ATG7: variants seen among roughly 807,000 people sequenced by gnomAD.
ATG7 encodes the protein ubiquitin-like modifier-activating enzyme ATG7.
ATG7 carries 70 observed loss-of-function variants against 82.4 expected under a neutral mutation model. The ratio of observed to expected loss-of-function variants is 0.85; its 90% CI spans 0.70 to 1.04. The LOEUF is 1.04. Ranked by LOEUF, ATG7 falls within the 50% of genes least tolerant of loss-of-function variation. The pLI is 0.00. For missense variants in ATG7, 792 were observed against 864.3 expected, an observed-to-expected ratio of 0.92 and a Z score of 1.05; for synonymous variants, 287 against 313.0, an observed-to-expected ratio of 0.92 and a Z score of 0.88.
chr3:11,408,745 C>T (rs531265592), intron 19 of ATG7, among the ~76,000 whole-genome samples: 5 of 152,148 alleles, frequency 3.3e-5, no homozygotes, highest in African/African-American at 1.2e-4. Context: ...ATCATGAGAA[C>T]AGCATGGGAA....
At chr3:11,290,973 C>T (rs1944894370) in intron 3 of ATG7, among the ~76,000 whole-genome samples, 1 of 152,306 alleles carries the variant, frequency 6.6e-6, no homozygotes, top group Admixed American at 6.5e-5. Flanking sequence ...TGAGTCACTT[C>T]ACCCGGCCAT....
the ATG7 span, chr3:11,568,734 A>T: frequency 2.6e-6 from 4 of 1,536,668 alleles, no homozygotes; most frequent in South Asian, 4.9e-5. This position sits in a 1 kb window ranked among gnomAD's most constrained non-coding sequence, Gnocchi z 5.9. Flanking sequence ...ACGGCAGAAA[A>T]CCGCACGCAT....
intron 20 of ATG7, among the ~76,000 whole-genome samples, chr3:11,523,447 T>C (rs1334404639): frequency 6.6e-6 from 1 of 152,230 alleles, no homozygotes; most frequent in Non-Finnish European, 1.5e-5. Flanking sequence ...TTTTACCACA[T>C]GTATGACTTG....
At chr3:11,424,438 C>T (rs963757967) in intron 19 of ATG7, among the ~76,000 whole-genome samples, 2 of 151,874 alleles carry the variant, frequency 1.3e-5, no homozygotes, top group Admixed American at 1.3e-4. Context: ...GTAATTGTGC[C>T]ATTGCACTCC....
At chr3:11,363,496 C>T (rs1002537126) in intron 17 of ATG7, among the ~76,000 whole-genome samples, 5 of 152,328 alleles carry the variant, frequency 3.3e-5, no homozygotes, top group Admixed American at 6.5e-5. Flanking sequence ...AAGTGATTCA[C>T]CCACCTTATC....
At chr3:11,478,235 A>G (rs1365115293) in intron 20 of ATG7, among the ~76,000 whole-genome samples, 4 of 152,216 alleles carry the variant, frequency 2.6e-5, no homozygotes, top group Non-Finnish European at 5.9e-5. Flanking sequence ...AAAGTATCCA[A>G]ACTTAAAAAA....
At chr3:11,552,042 C>T (rs1457159777) in intron 20 of ATG7, among the ~76,000 whole-genome samples, 2 of 152,262 alleles carry the variant, frequency 1.3e-5, no homozygotes, top group Non-Finnish European at 2.9e-5. Context: ...CGCCACCACG[C>T]CCGGCCTCTT....
chr3:11,329,146 G>A (rs1360561778), intron 9 of ATG7, among the ~76,000 whole-genome samples: 1 of 152,158 alleles, frequency 6.6e-6, no homozygotes, highest in Non-Finnish European at 1.5e-5. Context: ...ATGATCCCAT[G>A]TTTGTTTCAA....
At chr3:11,349,393 G>T (rs1955115667) in intron 14 of ATG7, among the ~76,000 whole-genome samples, 1 of 152,096 alleles carries the variant, frequency 6.6e-6, no homozygotes, top group African/African-American at 2.4e-5. Context: ...AATTAGCCAG[G>T]TGTGGTGGTG....
chr3:11,508,551 G>T (rs1461605860), intron 20 of ATG7, among the ~76,000 whole-genome samples: 2 of 152,064 alleles, frequency 1.3e-5, no homozygotes, highest in Non-Finnish European at 2.9e-5. Context: ...AAATTCCTGG[G>T]CTCAGGTGAT....
chr3:11,492,642 A>T (rs1390183301), intron 20 of ATG7, among the ~76,000 whole-genome samples: 1 of 152,120 alleles, frequency 6.6e-6, no homozygotes. Flanking sequence ...GCAGGAGCAA[A>T]CTCCCTTAAC....
At chr3:11,498,186 A>C (rs1261100088) in intron 20 of ATG7, among the ~76,000 whole-genome samples, 2 of 151,934 alleles carry the variant, frequency 1.3e-5, no homozygotes, top group East Asian at 3.9e-4. Flanking sequence ...TACATAACCC[A>C]CCTCTTTCTC....
intron 20 of ATG7, 123 bp downstream of exon 20, chr3:11,427,049 A>G: frequency 8.2e-7 from 1 of 1,223,024 alleles, no homozygotes; most frequent in Non-Finnish European, 1.1e-6. Flanking sequence ...AAATATCACT[A>G]AATAAGTCTG....
chr3:11,531,227 G>T (rs866868987), intron 20 of ATG7, among the ~76,000 whole-genome samples: 3 of 152,178 alleles, frequency 2.0e-5, no homozygotes, highest in Non-Finnish European at 2.9e-5. Flanking sequence ...AGGGGGGGCT[G>T]TGCAGGGTAC....
In ATG7 at chr3:11,325,575, G is replaced by T. The variant is rs555433119; in HGVS notation, c.679-5765G>T. Among the ~76,000 whole-genome samples, 5 of 152,172 alleles carry T rather than the reference G, an allele frequency of 3.3e-5. No homozygotes were observed. The East Asian group carries it at 5.8e-4, about 18-fold the overall frequency. On this transcript the variant is annotated intron_variant, in intron 9 of 20. Transcript: ENST00000693202. The stretch of plus-strand genomic sequence containing the variant: ...AATCCCAGCTACTCGGGAGGCTGAG[G>T]CAGGAGAATTGCTTGAACCCAGGAG...
chr3:11,376,775 G>A (rs1216383314), intron 18 of ATG7, among the ~76,000 whole-genome samples: 4 of 152,136 alleles, frequency 2.6e-5, no homozygotes, highest in Non-Finnish European at 5.9e-5. Context: ...GTCTTGCTCT[G>A]TCACCCAGGC....
intron 20 of ATG7, among the ~76,000 whole-genome samples, chr3:11,512,561 C>T (rs115717016): frequency 0.012 from 1,894 of 152,252 alleles, 43 homozygotes; most frequent in African/African-American, 0.043. Context: ...CATGGACCGT[C>T]GCAGTGAGTG....
intron 20 of ATG7, among the ~76,000 whole-genome samples, chr3:11,485,579 A>C (rs893260131): frequency 7.2e-5 from 11 of 152,168 alleles, no homozygotes; most frequent in East Asian, 1.9e-4. Context: ...GCTTTTGTTG[A>C]CATTGCTTTT....
intron 20 of ATG7, among the ~76,000 whole-genome samples, chr3:11,466,917 G>A (rs1294704174): frequency 2.1e-4 from 32 of 152,114 alleles, no homozygotes; most frequent in Non-Finnish European, 8.8e-5. Flanking sequence ...ATCACCTGAG[G>A]TCAGGAGTTT....
Sources: allele counts gnomAD v4.1 joint callset (sites outside exome capture counted in the v4.1 genomes callset), GRCh38; gene constraint gnomAD v4.1.1; non-coding constraint Gnocchi (gnomAD v3.1); transcripts MANE v1.5; gene names NCBI Gene and HGNC (gene_info 2026-07-23, HGNC 2026-07-21).